Variants in RHOU observed in about 807,000 individuals in gnomAD.
The protein encoded by RHOU is rho-related GTP-binding protein RhoU.
RHOU carries 8 observed loss-of-function variants against 12.6 expected under a neutral mutation model. That is an observed-to-expected ratio of 0.64 (90% CI 0.37 to 1.15). The LOEUF (loss-of-function observed/expected upper bound fraction) is 1.15, where lower values mean the gene tolerates loss of function less well. RHOU is among the 50% of genes most tolerant of loss of function. The pLI, the probability that RHOU is intolerant of heterozygous loss-of-function variation, is 0.01. For missense variants in RHOU, 258 were observed against 347.0 expected (o/e 0.74, Z 2.04); for synonymous variants, 161 against 147.4 (o/e 1.09, Z -0.67).
the RHOU span, among the ~76,000 whole-genome samples, chr1:228,676,765 AT>A: frequency 3.3e-5 from 5 of 152,176 alleles, no homozygotes; most frequent in Non-Finnish European, 7.3e-5. Flanking sequence ...CACAAAGTAC[AT>A]TCTCAAGGGT....
At chr1:228,650,899 C>G in the RHOU span, 1 of 377,476 alleles carries the variant, frequency 2.6e-6, no homozygotes, top group Non-Finnish European at 5.2e-6. Flanking sequence ...CACCTACATA[C>G]GAATGGATCC....
At chr1:228,694,566 T>C in the RHOU span, among the ~76,000 whole-genome samples, 1 of 152,204 alleles carries the variant, frequency 6.6e-6, no homozygotes, top group Admixed American at 6.5e-5. Flanking sequence ...AGTAAGAACA[T>C]GCAGTGTTTG....
chr1:228,649,895 T>C, the RHOU span, among the ~76,000 whole-genome samples: 1 of 152,248 alleles, frequency 6.6e-6, no homozygotes, highest in African/African-American at 2.4e-5. Flanking sequence ...GTAAAACTCC[T>C]AGAAATCTAA....
chr1:228,647,191 G>C, the RHOU span, among the ~76,000 whole-genome samples: 3 of 152,216 alleles, frequency 2.0e-5, no homozygotes, highest in African/African-American at 7.2e-5. Context: ...GAGGACCAAC[G>C]GAGCGCTGAG....
At chr1:228,721,178 T>C in the RHOU span, among the ~76,000 whole-genome samples, 7 of 152,332 alleles carry the variant, frequency 4.6e-5, no homozygotes, top group South Asian at 2.1e-4. Flanking sequence ...GGCAGGTGCC[T>C]GTAATCCCAG....
At chr1:228,651,289 A>G in the RHOU span, 2 of 174,482 alleles carry the variant, frequency 1.1e-5, no homozygotes, top group African/African-American at 4.8e-5. Flanking sequence ...TCTACTGCAC[A>G]TTCCCTGCCT....
the RHOU span, among the ~76,000 whole-genome samples, chr1:228,717,399 C>T: frequency 6.6e-6 from 1 of 152,216 alleles, no homozygotes; most frequent in African/African-American, 2.4e-5. Flanking sequence ...AATGACCTCT[C>T]ATCCTCTTGG....
At chr1:228,675,104 C>G in the RHOU span, among the ~76,000 whole-genome samples, 9 of 152,122 alleles carry the variant, frequency 5.9e-5, no homozygotes, top group Non-Finnish European at 1.3e-4. Flanking sequence ...GATTGATATG[C>G]TTGCATGTGA....
At chr1:228,653,142 C>A in the RHOU span, among the ~76,000 whole-genome samples, 2 of 152,108 alleles carry the variant, frequency 1.3e-5, no homozygotes, top group Non-Finnish European at 2.9e-5. Flanking sequence ...GCTACCTAGC[C>A]TCAAGGGTTT....
chr1:228,702,900 A>T, the RHOU span, among the ~76,000 whole-genome samples: 1 of 152,140 alleles, frequency 6.6e-6, no homozygotes, highest in Non-Finnish European at 1.5e-5. Context: ...TCAGTCTTAG[A>T]ACTATCTGTT....
At chr1:228,700,346 G>A in the RHOU span, among the ~76,000 whole-genome samples, 203 of 152,220 alleles carry the variant, frequency 1.3e-3, 1 homozygote, top group African/African-American at 4.7e-3. Flanking sequence ...ATTAATTTTT[G>A]TCTTGCTTGT....
At position 228,738,759 on chromosome 1, in the gene RHOU, G is replaced by A. The variant is rs539849146; in HGVS notation, c.321+1028G>A. ...GGAGCCTTGATCTCCAAGGAACACC[G>A]GGCTGGTGCAGGCCATAGCTTGGGA... On this transcript the variant is annotated intron_variant, in intron 2 of 2. Transcript: ENST00000366691. This position sits in a 1 kb window ranked among gnomAD's most constrained non-coding sequence, Gnocchi z 4.2. 1.1e-4 allele frequency among the ~76,000 whole-genome samples: 17 copies of A among 152,240 alleles called. No individual in the cohort carries two copies. The highest frequency in any genetic ancestry group is 2.4e-4 in the Non-Finnish European group (16 of 68,020).
At chr1:228,715,477 T>C in the RHOU span, among the ~76,000 whole-genome samples, 1 of 152,164 alleles carries the variant, frequency 6.6e-6, no homozygotes, top group Non-Finnish European at 1.5e-5. Flanking sequence ...CAAAAATTTG[T>C]TTTGATGGAA....
At chr1:228,684,294 CCCACTGTGCTGAGATTACCCATGTGAG>C in the RHOU span, among the ~76,000 whole-genome samples, 1 of 152,034 alleles carries the variant, frequency 6.6e-6, no homozygotes, top group Non-Finnish European at 1.5e-5. Flanking sequence ...GCCTCAGCCT[CCCACTGTGCTGAGATTACCCATGTGAG>C]CCACTGCGCC....
rs1339885075 is a variant in RHOU, at chr1:228,746,028, A to C, written c.*2288A>C. The stretch of plus-strand genomic sequence containing the variant: ...TACACCTGTGTGGCCCAGTTCTGAA[A>C]GCTTTATACAGTTGAATTTTAAGTG... On this transcript the variant is annotated 3_prime_UTR_variant, in exon 3 of 3. Transcript: ENST00000366691. 6.6e-6 allele frequency: 1 copy of C among 152,224 alleles called. No homozygotes were observed. The highest frequency in any genetic ancestry group is 6.5e-5 in the Admixed American group (1 of 15,284). The allele number at this position is 152,224 out of a possible 1,614,324, so 9.4% of individuals were successfully genotyped here. A position where few individuals can be genotyped will look rare whatever the true frequency, so the allele number is the denominator to read the frequency against.
At chr1:228,671,196 G>T in the RHOU span, among the ~76,000 whole-genome samples, 1 of 152,008 alleles carries the variant, frequency 6.6e-6, no homozygotes, top group Non-Finnish European at 1.5e-5. Flanking sequence ...GTAGAGACAG[G>T]TTTTCGCCAT....
chr1:228,648,196 G>A, the RHOU span, among the ~76,000 whole-genome samples: 1 of 152,258 alleles, frequency 6.6e-6, no homozygotes, highest in African/African-American at 2.4e-5. Flanking sequence ...AAGCACCGTT[G>A]CCCGCCGCCT....
the RHOU span, among the ~76,000 whole-genome samples, chr1:228,674,482 G>A: frequency 6.6e-6 from 1 of 151,672 alleles, no homozygotes; most frequent in Admixed American, 6.6e-5. Context: ...GAGTAGCTGG[G>A]ATTACAGGTG....
chr1:228,681,690 G>A, the RHOU span, among the ~76,000 whole-genome samples: 2 of 152,130 alleles, frequency 1.3e-5, no homozygotes, highest in Admixed American at 6.5e-5. Context: ...TTGGGGCCAA[G>A]CGGTGTTGGA....
Sources: gnomAD v4.1 joint callset for allele counts (sites outside exome capture counted in the v4.1 genomes callset) on GRCh38, gnomAD v4.1.1 for gene constraint, Gnocchi (gnomAD v3.1) non-coding constraint, MANE v1.5 for transcripts, NCBI Gene and HGNC (gene_info 2026-07-23, HGNC 2026-07-21) for gene names.